NAALADL2: variants seen among roughly 807,000 people sequenced by gnomAD.
NAALADL2 encodes inactive N-acetylated-alpha-linked acidic dipeptidase-like protein 2.
Under a neutral mutation model 87.2 loss-of-function variants are expected in NAALADL2, and 76 were observed. That is an observed-to-expected ratio of 0.87 (90% CI 0.72 to 1.05). NAALADL2 has a LOEUF of 1.05. Ranked by LOEUF, NAALADL2 falls within the 50% of genes least tolerant of loss-of-function variation. The pLI, the probability that NAALADL2 is intolerant of heterozygous loss-of-function variation, is 0.00. For synonymous variants in NAALADL2, 354 were observed against 331.0 expected, an observed-to-expected ratio of 1.07 and a Z score of -0.75; for missense variants, 1,089 against 945.8, an observed-to-expected ratio of 1.15 and a Z score of -1.99.
intron 13 of NAALADL2, among the ~76,000 whole-genome samples, chr3:175,797,246 C>T (rs973876410): frequency 4.6e-5 from 7 of 152,032 alleles, no homozygotes; most frequent in Non-Finnish European, 7.4e-5. Flanking sequence ...CAAATTGTTA[C>T]AGATGAGGGA....
intron 1 of NAALADL2, among the ~76,000 whole-genome samples, chr3:174,937,664 GTAGT>G (rs1737898641): frequency 4.6e-5 from 7 of 152,180 alleles, no homozygotes; most frequent in Admixed American, 3.9e-4. Flanking sequence ...CCAGAAGATA[GTAGT>G]TAGTGACTAT....
At chr3:175,584,037 T>C (rs932730451) in intron 10 of NAALADL2, among the ~76,000 whole-genome samples, 2 of 142,200 alleles carry the variant, frequency 1.4e-5, no homozygotes, top group Admixed American at 1.4e-4. Context: ...CTATTGTCAC[T>C]ACTTTTTTTT....
At chr3:175,453,411 T>C (rs1227455161) in intron 6 of NAALADL2, among the ~76,000 whole-genome samples, 2 of 152,156 alleles carry the variant, frequency 1.3e-5, no homozygotes, top group African/African-American at 2.4e-5. Context: ...CAAATATGTC[T>C]TGCATGTCTG....
chr3:174,516,608 A>T (rs1227615153), intron 1 of NAALADL2, among the ~76,000 whole-genome samples: 1 of 152,074 alleles, frequency 6.6e-6, no homozygotes, highest in Non-Finnish European at 1.5e-5. Flanking sequence ...ATTTGAATGA[A>T]TTTGAAAGGC....
intron 1 of NAALADL2, among the ~76,000 whole-genome samples, chr3:174,995,786 G>GAA (rs547943890): frequency 1.3e-3 from 173 of 136,876 alleles, no homozygotes; most frequent in African/African-American, 3.5e-3. Context: ...CGCTATTACT[G>GAA]AAAAAAAAAA....
intron 13 of NAALADL2, among the ~76,000 whole-genome samples, chr3:175,781,804 G>A (rs1181751125): frequency 2.0e-5 from 3 of 151,900 alleles, no homozygotes; most frequent in Middle Eastern, 3.4e-3. Flanking sequence ...CTGGTGTGCT[G>A]CACCCACTAA....
Position 174,634,491 on chromosome 3 carries a change from G to C in NAALADL2, c.-115+83854G>C, listed in dbSNP as rs148399920. ...TCTACTCAGTTGAACAGTTGCATTTGATGTAAAAAAAAAATCGACTATTGA... is the reference window on the plus strand; with the variant it reads ...TCTACTCAGTTGAACAGTTGCATTTCATGTAAAAAAAAAATCGACTATTGA... On this transcript the variant is annotated intron_variant, in intron 2 of 3. Coordinates refer to the NAALADL2 transcript ENST00000434257. Among the ~76,000 whole-genome samples the C allele has an allele frequency of 1.4e-4, 22 of 151,770 alleles. No individual in the cohort carries two copies. The East Asian group carries it at 4.1e-3, about 28-fold the overall frequency.
chr3:175,413,133 C>T (rs1274874951), intron 5 of NAALADL2, among the ~76,000 whole-genome samples: 2 of 142,850 alleles, frequency 1.4e-5, no homozygotes, highest in Non-Finnish European at 3.1e-5. Flanking sequence ...TCGTGATCTG[C>T]CCGCCTTGGC....
chr3:174,833,282 T>C (rs1722945499), intron 3 of NAALADL2, among the ~76,000 whole-genome samples: 2 of 152,204 alleles, frequency 1.3e-5, no homozygotes, highest in Non-Finnish European at 2.9e-5. Context: ...CAGCTTTTTA[T>C]TATGTAAATT....
chr3:174,825,297 G>GA (rs1721859163), intron 3 of NAALADL2, among the ~76,000 whole-genome samples: 1 of 149,878 alleles, frequency 6.7e-6, no homozygotes, highest in Non-Finnish European at 1.5e-5. Context: ...CCAGTCCAAG[G>GA]CCTAAGGCCT....
chr3:175,475,024 T>TCACACAC lies in NAALADL2; in HGVS notation c.1653+3266_1653+3267insCACACAC, dbSNP rs1376680590. Among the ~76,000 whole-genome samples the TCACACAC allele has an allele frequency of 7.1e-3, 1,062 of 149,716 alleles. 53 individuals carry two copies. Among genetic ancestry groups the TCACACAC allele is most frequent in the Admixed American group, 0.064 (965 of 14,984 alleles). Reference sequence around the variant, plus strand: ...ATTCTTTCATGCACAAACATTTAAGTACACACACACACACACACACACACT... The same window carrying TCACACAC: ...ATTCTTTCATGCACAAACATTTAAGTCACACACACACACACACACACACACACACACT... On this transcript the variant is annotated intron_variant, in intron 9 of 13. Transcript: ENST00000454872.
intron 4 of NAALADL2, among the ~76,000 whole-genome samples, chr3:175,323,344 G>A (rs1365795302): frequency 2.5e-4 from 28 of 112,516 alleles, no homozygotes; most frequent in Non-Finnish European, 4.1e-4. Flanking sequence ...GTGGTGGGGT[G>A]GGGGGAGGGG....
intron 2 of NAALADL2, among the ~76,000 whole-genome samples, chr3:175,174,802 T>TGC: frequency 6.7e-6 from 1 of 149,588 alleles, no homozygotes; most frequent in African/African-American, 2.4e-5. Flanking sequence ...TATATGTGTG[T>TGC]GTGTGTGCGC....
chr3:174,630,207 C>T (rs921977762), intron 2 of NAALADL2, among the ~76,000 whole-genome samples: 21 of 152,086 alleles, frequency 1.4e-4, no homozygotes, highest in Non-Finnish European at 2.6e-4. Context: ...GCATGATTTT[C>T]ATTATTTATC....
chr3:175,134,122 C>T (rs896030978), intron 2 of NAALADL2, among the ~76,000 whole-genome samples: 5 of 152,172 alleles, frequency 3.3e-5, no homozygotes, highest in African/African-American at 9.7e-5. Flanking sequence ...GTGTGCATGG[C>T]TTGTCTACAG....
Position 175,132,808 on chromosome 3 carries a change from C to T in NAALADL2, c.545+35517C>T, listed in dbSNP as rs569259506. On this transcript the variant is annotated intron_variant, in intron 2 of 13. Transcript: ENST00000454872. ...GGCTGACCCCCACCTCCCTCCCGGACGGGATGGCTGCCGGGCGGAGATGCT... is the reference window on the plus strand; with the variant it reads ...GGCTGACCCCCACCTCCCTCCCGGATGGGATGGCTGCCGGGCGGAGATGCT... Among the ~76,000 whole-genome samples the T allele has an allele frequency of 3.6e-4, 54 of 151,230 alleles. No individual in the cohort carries two copies. In the East Asian group the frequency reaches 9.5e-3, roughly 27 times the overall value.
chr3:175,614,302 C>T (rs1039536043), intron 10 of NAALADL2, among the ~76,000 whole-genome samples: 4 of 152,214 alleles, frequency 2.6e-5, no homozygotes, highest in Admixed American at 1.3e-4. Flanking sequence ...CTGCCCGCCT[C>T]GGCCTCCCAA....
At chr3:174,464,494 G>A (rs1338317997) in intron 1 of NAALADL2, among the ~76,000 whole-genome samples, 1 of 151,306 alleles carries the variant, frequency 6.6e-6, no homozygotes, top group African/African-American at 2.4e-5. Context: ...AAATAAAATA[G>A]AAACTTATTT....
chr3:175,036,514 C>T (rs1399995294), intron 1 of NAALADL2, among the ~76,000 whole-genome samples: 2 of 151,928 alleles, frequency 1.3e-5, no homozygotes, highest in Non-Finnish European at 1.5e-5. Flanking sequence ...ATTCTCCTGC[C>T]TCAGCCTCCC....
Sources: allele counts gnomAD v4.1 joint callset (sites outside exome capture counted in the v4.1 genomes callset), GRCh38; gene constraint gnomAD v4.1.1; transcripts MANE v1.5; gene names NCBI Gene and HGNC (gene_info 2026-07-23, HGNC 2026-07-21).